SZT2: variants seen among roughly 807,000 people sequenced by gnomAD.
SZT2 encodes the protein KICSTOR complex protein SZT2.
SZT2 carries 216 observed loss-of-function variants against 404.2 expected under a neutral mutation model. The ratio of observed to expected loss-of-function variants is 0.53; its 90% CI spans 0.48 to 0.60. The LOEUF is 0.60. Among genes scored for constraint, SZT2 ranks in the 20% least tolerant of loss-of-function variants. The pLI is 0.00. For missense variants in SZT2, 3,857 were observed against 4,459.2 expected (o/e 0.86, Z 3.85); for synonymous variants, 1,693 against 1,749.9 (o/e 0.97, Z 0.81).
At position 43,452,749 on chromosome 1, in the gene SZT2, C is replaced by A; in HGVS notation, c.*2269C>A. The stretch of plus-strand genomic sequence containing the variant: ...ATTGACCAGTAGTGATCCCCTCTTG[C>A]CAGTTCCTTCTGAGCCTGTTTGGCC... On this transcript the variant is annotated 3_prime_UTR_variant, in exon 72 of 72. Coordinates refer to ENST00000634258, the MANE Select transcript of SZT2 (RefSeq NM_001365999.1). 2.7e-6 allele frequency: 2 copies of A among 734,910 alleles called. No homozygotes were observed. The highest frequency in any genetic ancestry group is 4.4e-5 in the Admixed American group (2 of 45,360). The allele number at this position is 734,910 out of a possible 1,614,324, so 45.5% of individuals were successfully genotyped here. A position where few individuals can be genotyped will look rare whatever the true frequency, so the allele number is the denominator to read the frequency against.
At position 43,394,012 on chromosome 1, in the gene SZT2, G is replaced by A. The variant is rs1031038117; in HGVS notation, c.27+4017G>A. The A allele has an allele frequency of 2.7e-5, 25 of 911,284 alleles. No individual in the cohort carries two copies. The Admixed American group carries it at 4.9e-4, about 18-fold the overall frequency. 56.4% of individuals were successfully genotyped at this position (911,284 alleles called of 1,614,324 possible). A position where few individuals can be genotyped will look rare whatever the true frequency, so the allele number is the denominator to read the frequency against. ...GATTTGAATCCAGGTCCCTGACCCC[G>A]AAACTCTACTTTGTCTTCCTTGCCA... On this transcript the variant is annotated intron_variant, in intron 1 of 71. Transcript: ENST00000634258.
chr1:43,432,128 C>T, intron 36 of SZT2, 144 bp from the exon 37 acceptor site: 3 of 1,111,400 alleles, frequency 2.7e-6, no homozygotes, highest in East Asian at 2.4e-5. Flanking sequence ...TTAGGCAAGT[C>T]ACTGAATCTT....
Position 43,439,990 on chromosome 1 carries a change from T to C in SZT2, c.7152T>C (p.Asp2384=). The change falls in exon 51 of 72, where the codon GAT becomes GAC. Residue 2384 remains aspartate, a synonymous_variant. Coordinates refer to ENST00000634258, the MANE Select transcript of SZT2 (RefSeq NM_001365999.1). The surrounding 1 kb of genome is among the most constrained non-coding windows in gnomAD (Gnocchi z 4.2). ...LRGAARQALA[D]AIIELQLLPA... is the part of the protein sequence containing the mutation. ...GAGCAGCTCGCCAGGCCCTGGCCGA[T>C]GCCATCATCGAGCTTCAGCTGCTGC... 1 of 1,614,172 alleles carries C rather than the reference T, an allele frequency of 6.2e-7. No homozygotes were observed. The highest frequency in any genetic ancestry group is 8.5e-7 in the Non-Finnish European group (1 of 1,180,012).
chr1:43,447,310 T>C, intron 66 of SZT2, 142 bp downstream of exon 66: 1 of 1,134,556 alleles, frequency 8.8e-7, no homozygotes, highest in Middle Eastern at 2.9e-4. Flanking sequence ...CGTCCCCATG[T>C]TTCTGTCCTG....
At position 43,439,219 on chromosome 1, in the gene SZT2, C is replaced by A. The variant is rs1654797152; in HGVS notation, c.6792+126C>A. On this transcript the variant is annotated intron_variant, in intron 48 of 71. Coordinates refer to ENST00000634258, the MANE Select transcript of SZT2 (RefSeq NM_001365999.1). The surrounding 1 kb of genome is among the most constrained non-coding windows in gnomAD (Gnocchi z 4.2). ...ATGGACCTGGGTACACCCATGCCCCCCCGGGGACCATTATTACCCGCCTGT... is the reference window on the plus strand; with the variant it reads ...ATGGACCTGGGTACACCCATGCCCCACCGGGGACCATTATTACCCGCCTGT... 4.6e-6 allele frequency: 7 copies of A among 1,527,594 alleles called. No homozygotes were observed. The highest frequency in any genetic ancestry group is 2.3e-5 in the East Asian group (1 of 44,426). The allele number at this position is 1,527,594 out of a possible 1,614,324, so 94.6% of individuals were successfully genotyped here. A position where few individuals can be genotyped will look rare whatever the true frequency, so the allele number is the denominator to read the frequency against.
rs1655159164 is a variant in SZT2, at chr1:43,442,384, G to T, written c.7974+16G>T. ...GGACAAGAAGGTAAATATGGGGCCA[G>T]GGACTGGGTGGGAAGAGGGGTTCCG... is the stretch of plus-strand genomic sequence containing the variant. On this transcript the variant is annotated intron_variant, in intron 57 of 71. Transcript: ENST00000634258. This position sits in a 1 kb window ranked among gnomAD's most constrained non-coding sequence, Gnocchi z 4.5. The T allele has an allele frequency of 6.2e-7, 1 of 1,613,340 alleles. No homozygotes were observed. Among genetic ancestry groups the T allele is most frequent in the East Asian group, 2.2e-5 (1 of 44,876 alleles).
chr1:43,414,133 T>C (rs1434574012), intron 4 of SZT2, among the ~76,000 whole-genome samples: 1 of 151,630 alleles, frequency 6.6e-6, no homozygotes, highest in Non-Finnish European at 1.5e-5. Context: ...AATACAAAAA[T>C]TACCTGGGTG....
chr1:43,443,523 A>G, intron 61 of SZT2, 46 bp downstream of exon 61: 2 of 1,613,594 alleles, frequency 1.2e-6, no homozygotes, highest in Non-Finnish European at 1.7e-6. Flanking sequence ...CTTACCCCAC[A>G]GTGACCCCCC....
At position 43,448,340 on chromosome 1, in the gene SZT2, G is replaced by A. The variant is rs1211549711; in HGVS notation, c.9825G>A (p.Arg3275=). The A allele has an allele frequency of 6.4e-7, 1 of 1,553,138 alleles. No individual in the cohort carries two copies. The highest frequency in any genetic ancestry group is 8.7e-7 in the Non-Finnish European group (1 of 1,148,360). Residue 3275 remains arginine, a synonymous_variant, in exon 69 of 72, where the codon CGG becomes CGA. Coordinates refer to ENST00000634258, the MANE Select transcript of SZT2 (RefSeq NM_001365999.1). The surrounding 1 kb of genome is among the most constrained non-coding windows in gnomAD (Gnocchi z 4.2). ...LVRLAGGHCR[R]DTLWKRLFLL... is the part of the protein sequence containing the mutation. ...GGCTGGCTGGAGGGCACTGCCGTCG[G>A]GACACCCTTTGGAAGCGCCTCTTCT...
rs1655833316 is a variant in SZT2, at chr1:43,447,594, C to T, written c.9336C>T (p.Asn3112=). 3 of 1,614,212 alleles carry T rather than the reference C, an allele frequency of 1.9e-6. No individual in the cohort carries two copies. The highest frequency in any genetic ancestry group is 2.5e-6 in the Non-Finnish European group (3 of 1,180,044). Reference sequence around the variant, plus strand: ...TCATTGCTGCCCACCAGCTATACAACTACGTGGCTGATCACGCCAGCTCTT... The same window carrying T: ...TCATTGCTGCCCACCAGCTATACAATTACGTGGCTGATCACGCCAGCTCTT... ...TPLIAAHQLY[N]YVADHASSYH... The change falls in exon 67 of 72, where the codon AAC becomes AAT. Residue 3112 remains asparagine (N), a synonymous_variant. Coordinates refer to ENST00000634258, the MANE Select transcript of SZT2 (RefSeq NM_001365999.1).
rs766259523 is a variant in SZT2 at position 43,424,777 on chromosome 1, G to A, written c.2472-7G>A. On this transcript the variant is annotated splice_region_variant and splice_polypyrimidine_tract_variant and intron_variant, in intron 16 of 71. Transcript: ENST00000634258. This position sits in a 1 kb window ranked among gnomAD's most constrained non-coding sequence, Gnocchi z 4.1. ...CTGGCCTTGCCCCGGCCTTTATGGG[G>A]CTTCAGAGTCCGACTTTCTGAAGGA... is the stretch of plus-strand genomic sequence containing the variant. 1 of 1,613,512 alleles carries A rather than the reference G, an allele frequency of 6.2e-7. No homozygotes were observed. Among genetic ancestry groups the A allele is most frequent in the African/African-American group, 1.3e-5 (1 of 74,892 alleles).
chr1:43,440,352 G>A, intron 51 of SZT2, 101 bp from the exon 52 acceptor site: 1 of 1,468,158 alleles, frequency 6.8e-7, no homozygotes, highest in East Asian at 2.4e-5. Flanking sequence ...CTGACAGGTA[G>A]AATAGGTGGC....
Position 43,437,209 on chromosome 1 carries a change from C to G in SZT2, c.6073C>G (p.Leu2025Val). The G allele has an allele frequency of 6.2e-7, 1 of 1,614,166 alleles. No individual in the cohort carries two copies. Among genetic ancestry groups the G allele is most frequent in the South Asian group, 1.1e-5 (1 of 91,074 alleles). The change falls in exon 43 of 72, where the codon CTG (leucine) becomes GTG (valine). Residue 2025 changes from leucine to valine, a missense_variant. Transcript: ENST00000634258. The surrounding 1 kb of genome is among the most constrained non-coding windows in gnomAD (Gnocchi z 5.3). Reference protein sequence around the residue: ...ADESCAPRGYLAATMQFVPGH... With the variant: ...ADESCAPRGYVAATMQFVPGH... ...TGAGAGCTGTGCGCCCCGTGGGTAC[C>G]TGGCAGCCACAATGCAGTTTGTCCC...
intron 62 of SZT2, chr1:43,445,485 C>CT (rs1655558465): frequency 4.3e-6 from 1 of 231,564 alleles, no homozygotes; most frequent in Non-Finnish European, 8.5e-6. Flanking sequence ...AAGCCTGGAA[C>CT]TGCCATCCCC....
Position 43,453,601 on chromosome 1 carries a change from G to T in SZT2, c.*3121G>T. The T allele has an allele frequency of 6.6e-7, 1 of 1,526,666 alleles. No homozygotes were observed. 94.6% of individuals were successfully genotyped at this position (1,526,666 alleles called of 1,614,324 possible). A position where few individuals can be genotyped will look rare whatever the true frequency, so the allele number is the denominator to read the frequency against. On this transcript the variant is annotated 3_prime_UTR_variant, in exon 72 of 72. Transcript: ENST00000634258. ...CTCCCGGCCCGCGACGCACCCGGGG[G>T]CGTGTTGATCAGTACAAGCCGCAGC... is the stretch of plus-strand genomic sequence containing the variant.
At position 43,425,936 on chromosome 1, in the gene SZT2, G is replaced by A; in HGVS notation, c.2916G>A (p.Pro972=). Residue 972 remains proline (P), a synonymous_variant, in exon 20 of 72, where the codon CCG becomes CCA. Coordinates refer to ENST00000634258, the MANE Select transcript of SZT2 (RefSeq NM_001365999.1). The surrounding 1 kb of genome is among the most constrained non-coding windows in gnomAD (Gnocchi z 4.3). ...AATGGGGTCCTCTGCCCCCAGAGCC[G>A]AGGGTCTCTGATGGTGAGTGGGGCA... ...SKEWGPLPPE[P]RVSDGLDQGG... 3.7e-6 allele frequency: 6 copies of A among 1,614,064 alleles called. No individual in the cohort carries two copies. Among genetic ancestry groups the A allele is most frequent in the African/African-American group, 1.3e-5 (1 of 75,034 alleles).
rs187131803 is a variant in SZT2, at chr1:43,404,442, C to T, written c.390C>T (p.Gly130=). ...TCCATGCCCTGTCCCGCTGCTTAGGCGGGCTGCTTCGGCCCTTCCGAGTGC... is the reference window on the plus strand; with the variant it reads ...TCCATGCCCTGTCCCGCTGCTTAGGTGGGCTGCTTCGGCCCTTCCGAGTGC... The part of the protein sequence containing the change: ...EVFHALSRCL[G]GLLRPFRVPG... The change falls in exon 4 of 72, where the codon GGC becomes GGT. Residue 130 remains glycine (G), a synonymous_variant. Transcript: ENST00000634258. 99 of 1,613,994 alleles carry T rather than the reference C, an allele frequency of 6.1e-5. No individual in the cohort carries two copies. Among genetic ancestry groups the T allele is most frequent in the Middle Eastern group, 5.0e-4 (3 of 6,060 alleles).
intron 1 of SZT2, among the ~76,000 whole-genome samples, chr1:43,390,591 A>G (rs1414494687): frequency 6.6e-6 from 1 of 152,252 alleles, no homozygotes; most frequent in Non-Finnish European, 1.5e-5. Context: ...CATGTAATAA[A>G]CCAGAAAGGT....
At chr1:43,445,872 T>C (rs550816288) in intron 62 of SZT2, 22 bp from the exon 63 acceptor site, 1 of 1,612,222 alleles carries the variant, frequency 6.2e-7, no homozygotes, top group Admixed American at 1.7e-5. Flanking sequence ...CTCATCCTCT[T>C]ATCCCTCCTC....
Sources: gnomAD v4.1 joint callset for allele counts (sites outside exome capture counted in the v4.1 genomes callset) on GRCh38, gnomAD v4.1.1 for gene constraint, Gnocchi (gnomAD v3.1) non-coding constraint, MANE v1.5 for transcripts, NCBI Gene and HGNC (gene_info 2026-07-23, HGNC 2026-07-21) for gene names.